Variants in GRM3 observed in about 807,000 individuals in gnomAD.
The protein encoded by GRM3 is glutamate metabotropic receptor 3, also known as metabotropic glutamate receptor 3.
A neutral mutation model predicts 70.5 loss-of-function variants in GRM3; 26 were observed. That is an observed-to-expected ratio of 0.37 (90% CI 0.27 to 0.51). The LOEUF (loss-of-function observed/expected upper bound fraction) is 0.51, where lower values mean the gene tolerates loss of function less well. GRM3 is among the 20% of genes least tolerant of loss of function. The pLI, the probability that GRM3 is intolerant of heterozygous loss-of-function variation, is 0.93. For missense variants in GRM3, 859 were observed against 1,123.8 expected (o/e 0.76, Z 3.37); for synonymous variants, 443 against 434.9 (o/e 1.02, Z -0.23).
At chr7:86,741,147 T>G (rs1795981514) in intron 1 of GRM3, among the ~76,000 whole-genome samples, 1 of 152,128 alleles carries the variant, frequency 6.6e-6, no homozygotes, top group African/African-American at 2.4e-5. Context: ...GTCCCCGTTT[T>G]GGGATGTTGT....
intron 3 of GRM3, among the ~76,000 whole-genome samples, chr7:86,808,917 G>T (rs1479638019): frequency 6.7e-6 from 1 of 149,996 alleles, no homozygotes; most frequent in African/African-American, 2.5e-5. Flanking sequence ...TGAGAGCCTT[G>T]TAAGGATTTT....
intron 1 of GRM3, among the ~76,000 whole-genome samples, chr7:86,707,411 C>T (rs892066018): frequency 6.6e-6 from 1 of 152,004 alleles, no homozygotes; most frequent in African/African-American, 2.4e-5. Context: ...TTAAGGAGGG[C>T]TTCCGTGACA....
chr7:86,775,681 C>A (rs2116473052), intron 2 of GRM3, among the ~76,000 whole-genome samples: 1 of 152,232 alleles, frequency 6.6e-6, no homozygotes, highest in South Asian at 2.1e-4. Context: ...TCTTTACCTT[C>A]TACTAATCCC....
chr7:86,732,730 A>G (rs1795763529), intron 1 of GRM3, among the ~76,000 whole-genome samples: 1 of 152,186 alleles, frequency 6.6e-6, no homozygotes, highest in Non-Finnish European at 1.5e-5. Context: ...CAAATGGAGG[A>G]GTAAGTGGTA....
intron 1 of GRM3, among the ~76,000 whole-genome samples, chr7:86,656,260 C>CTTTTTTTTTTTT (rs1165969016): frequency 2.4e-5 from 2 of 83,276 alleles, no homozygotes; most frequent in African/African-American, 4.9e-5. Context: ...ATACTATGTT[C>CTTTTTTTTTTTT]TTTTTTTTTT....
At chr7:86,669,319 A>G (rs1794111637) in intron 1 of GRM3, among the ~76,000 whole-genome samples, 1 of 152,200 alleles carries the variant, frequency 6.6e-6, no homozygotes, top group Admixed American at 6.5e-5. Flanking sequence ...CAATTGAGAA[A>G]CACTACACTA....
intron 1 of GRM3, among the ~76,000 whole-genome samples, chr7:86,668,280 T>G (rs995702282): frequency 1.4e-4 from 21 of 152,240 alleles, no homozygotes; most frequent in South Asian, 6.2e-4. Flanking sequence ...TTTTTTTTTT[T>G]TGTTATTTAG....
At chr7:86,760,668 TC>T (rs1796457470) in intron 1 of GRM3, among the ~76,000 whole-genome samples, 1 of 152,130 alleles carries the variant, frequency 6.6e-6, no homozygotes, top group African/African-American at 2.4e-5. Context: ...TTTTTAACTT[TC>T]TTAGGGCTTC....
intron 1 of GRM3, among the ~76,000 whole-genome samples, chr7:86,763,843 C>G (rs1224189542): frequency 1.3e-5 from 2 of 152,060 alleles, no homozygotes; most frequent in Non-Finnish European, 2.9e-5. Flanking sequence ...GTATCTTTGT[C>G]TAATGCTCAA....
chr7:86,657,721 A>C (rs1303184491), intron 1 of GRM3, among the ~76,000 whole-genome samples: 1 of 152,200 alleles, frequency 6.6e-6, no homozygotes, highest in Non-Finnish European at 1.5e-5. Flanking sequence ...TTGGCAGGTT[A>C]TGGCAACAGT....
At position 86,765,068 on chromosome 7, in the gene GRM3, A is replaced by G. The variant is rs1796567099; in HGVS notation, c.-78A>G. 1 of 1,501,714 alleles carries G rather than the reference A, an allele frequency of 6.7e-7. No homozygotes were observed. Among genetic ancestry groups the G allele is most frequent in the Non-Finnish European group, 8.8e-7 (1 of 1,132,754 alleles). 93.0% of individuals were successfully genotyped at this position (1,501,714 alleles called of 1,614,324 possible). On this transcript the variant is annotated 5_prime_UTR_variant, in exon 2 of 6. Transcript: ENST00000361669. ...TATTTGAAGGACAGGCCAAAGATCC[A>G]GTTTGGAAATGAGAGAGGACTAGCA...
chr7:86,775,877 A>G (rs1796873512), intron 2 of GRM3: 1 of 152,056 alleles, frequency 6.6e-6, no homozygotes, highest in Non-Finnish European at 1.5e-5. Flanking sequence ...GAGGTCTGTG[A>G]TGAATCATCT....
At chr7:86,861,839 C>T (rs997604433) in intron 5 of GRM3, among the ~76,000 whole-genome samples, 1 of 152,156 alleles carries the variant, frequency 6.6e-6, no homozygotes, top group East Asian at 1.9e-4. Context: ...TTAAAATACT[C>T]TCACTGCTGT....
chr7:86,781,299 T>G (rs1425314857), intron 2 of GRM3, among the ~76,000 whole-genome samples: 2 of 152,100 alleles, frequency 1.3e-5, no homozygotes, highest in Non-Finnish European at 2.9e-5. Flanking sequence ...ATAGGAAAAC[T>G]GAAATAGCTC....
intron 1 of GRM3, among the ~76,000 whole-genome samples, chr7:86,652,273 G>A (rs1307332161): frequency 4.0e-5 from 6 of 151,800 alleles, no homozygotes; most frequent in African/African-American, 1.2e-4. Context: ...TTGTTGCTAT[G>A]TGATATAACA....
intron 2 of GRM3, among the ~76,000 whole-genome samples, chr7:86,768,311 T>C (rs1264828650): frequency 1.3e-5 from 2 of 152,172 alleles, no homozygotes; most frequent in African/African-American, 4.8e-5. Flanking sequence ...TTATGTGGAC[T>C]TCTCTGGTGC....
At chr7:86,710,484 A>G (rs1487793864) in intron 1 of GRM3, among the ~76,000 whole-genome samples, 1 of 149,518 alleles carries the variant, frequency 6.7e-6, no homozygotes, top group Non-Finnish European at 1.5e-5. Flanking sequence ...ACTTGTATAA[A>G]ATAACTATAG....
At chr7:86,705,490 CT>C (rs1562832101) in intron 1 of GRM3, among the ~76,000 whole-genome samples, 4 of 152,092 alleles carry the variant, frequency 2.6e-5, no homozygotes, top group African/African-American at 7.2e-5. Context: ...GAAGCTGAGG[CT>C]GAACTAGCTG....
intron 1 of GRM3, among the ~76,000 whole-genome samples, chr7:86,705,111 G>T (rs1360478154): frequency 1.3e-5 from 2 of 151,854 alleles, no homozygotes; most frequent in Non-Finnish European, 2.9e-5. Flanking sequence ...ATTATATTTT[G>T]ATATGAAAAT....
Sources: gnomAD v4.1 joint callset for allele counts (sites outside exome capture counted in the v4.1 genomes callset) on GRCh38, gnomAD v4.1.1 for gene constraint, MANE v1.5 for transcripts, NCBI Gene and HGNC (gene_info 2026-07-23, HGNC 2026-07-21) for gene names.